The following SLC25A21 variants were observed in gnomAD, a reference collection of about 807,000 sequenced individuals.
The protein encoded by SLC25A21 is solute carrier family 25 member 21.
Under a neutral mutation model 43.8 loss-of-function variants are expected in SLC25A21, and 47 were observed. The ratio of observed to expected loss-of-function variants is 1.07; its 90% CI spans 0.85 to 1.37. SLC25A21 has a LOEUF of 1.37. Among genes scored for constraint, SLC25A21 ranks in the 40% most tolerant of loss-of-function variants. The pLI is 0.00. For missense variants in SLC25A21, 352 were observed against 350.2 expected (o/e 1.00, Z -0.04); for synonymous variants, 131 against 121.3 (o/e 1.08, Z -0.52).
intron 1 of SLC25A21, among the ~76,000 whole-genome samples, chr14:36,888,181 T>A (rs991593148): frequency 6.6e-6 from 1 of 152,226 alleles, no homozygotes; most frequent in Non-Finnish European, 1.5e-5. Context: ...CCTACTAGGT[T>A]CAAATAGCTT....
chr14:36,893,839 C>G (rs1395520695), intron 1 of SLC25A21, among the ~76,000 whole-genome samples: 1 of 152,144 alleles, frequency 6.6e-6, no homozygotes, highest in African/African-American at 2.4e-5. Context: ...TGTCAAAGAT[C>G]AGATGGTTGT....
intron 1 of SLC25A21, among the ~76,000 whole-genome samples, chr14:37,027,781 T>C (rs1037987973): frequency 2.0e-5 from 3 of 152,190 alleles, no homozygotes; most frequent in Admixed American, 2.0e-4. Flanking sequence ...TTAGGTTAAG[T>C]AATTATTGCT....
chr14:36,753,049 C>T (rs763610156), intron 3 of SLC25A21, among the ~76,000 whole-genome samples: 2 of 152,028 alleles, frequency 1.3e-5, no homozygotes, highest in African/African-American at 4.8e-5. Flanking sequence ...CTCACTGAGA[C>T]AGAAAGTAGA....
intron 1 of SLC25A21, among the ~76,000 whole-genome samples, chr14:37,011,683 C>T (rs138060246): frequency 1.3e-5 from 2 of 152,094 alleles, no homozygotes; most frequent in Non-Finnish European, 2.9e-5. Flanking sequence ...AGAGTGTATG[C>T]GCCAGGCACT....
At chr14:36,767,542 G>C (rs1342779187) in intron 3 of SLC25A21, among the ~76,000 whole-genome samples, 3 of 152,184 alleles carry the variant, frequency 2.0e-5, no homozygotes, top group Non-Finnish European at 4.4e-5. Flanking sequence ...CGTAAAAGTA[G>C]AAAGCAAGAA....
chr14:37,069,536 A>G (rs1962130680), intron 1 of SLC25A21, among the ~76,000 whole-genome samples: 1 of 152,232 alleles, frequency 6.6e-6, no homozygotes. Context: ...ACAGTACCAC[A>G]TGCATCCTAA....
chr14:36,843,581 C>T (rs1177609329), intron 2 of SLC25A21, among the ~76,000 whole-genome samples: 1 of 151,488 alleles, frequency 6.6e-6, no homozygotes, highest in Non-Finnish European at 1.5e-5. Flanking sequence ...CATACAGATA[C>T]ATAACATGAC....
In SLC25A21 at chr14:36,881,787, A is replaced by G. The variant is rs185098756; in HGVS notation, c.71-6783T>C. 4.6e-5 allele frequency among the ~76,000 whole-genome samples: 7 copies of G among 152,282 alleles called. No individual in the cohort carries two copies. In the East Asian group the frequency reaches 1.4e-3, roughly 30 times the overall value. On this transcript the variant is annotated intron_variant, in intron 1 of 9. Transcript: ENST00000331299. ...ACTACCTCTGCCTTTACCTAGGAAC[A>G]GTGTTGCAATGGGCTTTAGTAACCG... is the stretch of plus-strand genomic sequence containing the variant.
intron 3 of SLC25A21, among the ~76,000 whole-genome samples, chr14:36,808,067 A>G (rs1462103920): frequency 1.3e-5 from 2 of 152,230 alleles, no homozygotes; most frequent in Non-Finnish European, 2.9e-5. Context: ...GTGAAACTAA[A>G]CACAGTTCAA....
intron 3 of SLC25A21, among the ~76,000 whole-genome samples, chr14:36,735,944 T>C (rs952841548): frequency 5.0e-5 from 7 of 140,458 alleles, no homozygotes; most frequent in Non-Finnish European, 9.2e-5. Flanking sequence ...TTTTTTTTTT[T>C]TTTTTTTTTT....
chr14:36,991,820 G>A (rs558862026), intron 1 of SLC25A21, among the ~76,000 whole-genome samples: 1 of 144,586 alleles, frequency 6.9e-6, no homozygotes, highest in East Asian at 1.9e-4. Flanking sequence ...CTGATACGCT[G>A]AGGTAGAAGG....
chr14:36,942,723 A>G (rs1468834555), intron 1 of SLC25A21, among the ~76,000 whole-genome samples: 1 of 152,182 alleles, frequency 6.6e-6, no homozygotes, highest in Non-Finnish European at 1.5e-5. Context: ...AGCTGGTCAC[A>G]CTAGTCTGTT....
intron 7 of SLC25A21, among the ~76,000 whole-genome samples, chr14:36,693,835 C>T (rs1022972765): frequency 6.6e-6 from 1 of 151,976 alleles, no homozygotes; most frequent in Non-Finnish European, 1.5e-5. Flanking sequence ...GGAGAGACAG[C>T]GTCTCACTAT....
intron 1 of SLC25A21, among the ~76,000 whole-genome samples, chr14:36,879,877 A>G (rs1890660916): frequency 6.6e-6 from 1 of 151,984 alleles, no homozygotes; most frequent in Non-Finnish European, 1.5e-5. Flanking sequence ...GTGAGAGACC[A>G]GTTTCTTCTC....
intron 1 of SLC25A21, among the ~76,000 whole-genome samples, chr14:36,877,797 G>A (rs1328517111): frequency 6.6e-6 from 1 of 152,122 alleles, no homozygotes; most frequent in Non-Finnish European, 1.5e-5. Context: ...GTTGAAGGCA[G>A]GGTATGGCAA....
chr14:37,068,492 A>G (rs1382821011), intron 1 of SLC25A21, among the ~76,000 whole-genome samples: 1 of 152,202 alleles, frequency 6.6e-6, no homozygotes, highest in Non-Finnish European at 1.5e-5. Flanking sequence ...GTTTTGCTGT[A>G]ATTTTGGTTG....
At position 37,117,991 on chromosome 14, in the gene SLC25A21, C is replaced by A. The variant is rs185620493; in HGVS notation, c.70+54290G>T. Among the ~76,000 whole-genome samples, 232 of 151,994 alleles carry A rather than the reference C, an allele frequency of 1.5e-3. 2 individuals are homozygous for A. The highest frequency in any genetic ancestry group is 2.7e-3 in the Non-Finnish European group (183 of 67,958). On this transcript the variant is annotated intron_variant, in intron 1 of 9. Transcript: ENST00000331299. ...TTTTTTGTATGGATTCCCCTCCTCC[C>A]AAAAAGCTTAATTTATAGTTTAAAT...
chr14:36,979,349 TTTTGTTTGTTTG>T (rs371510357), intron 1 of SLC25A21, among the ~76,000 whole-genome samples: 6 of 146,312 alleles, frequency 4.1e-5, no homozygotes, highest in African/African-American at 1.4e-4. Context: ...TTTTTACTGT[TTTTGTTTGTTTG>T]TTTGTTTGTT....
chr14:36,786,814 G>A (rs539904904), intron 3 of SLC25A21, among the ~76,000 whole-genome samples: 39 of 152,254 alleles, frequency 2.6e-4, no homozygotes, highest in Middle Eastern at 3.4e-3. Context: ...AGAGTTTGGC[G>A]TATGGCACTG....
Sources: gnomAD v4.1 joint callset for allele counts (sites outside exome capture counted in the v4.1 genomes callset) on GRCh38, gnomAD v4.1.1 for gene constraint, MANE v1.5 for transcripts, NCBI Gene and HGNC (gene_info 2026-07-23, HGNC 2026-07-21) for gene names.